EXPH5: variants seen among roughly 807,000 people sequenced by gnomAD.
EXPH5 encodes exophilin 5, also known as exophilin-5.
Under a neutral mutation model 41.1 loss-of-function variants are expected in EXPH5, and 42 were observed. That is an observed-to-expected ratio of 1.02 (90% CI 0.80 to 1.32). The LOEUF is 1.32. Ranked by LOEUF, EXPH5 falls within the 40% of genes most tolerant of loss-of-function variation. EXPH5 has a pLI of 0.00. For missense variants in EXPH5, 2,298 were observed against 2,314.5 expected, an observed-to-expected ratio of 0.99 and a Z score of 0.15; for synonymous variants, 798 against 833.5, an observed-to-expected ratio of 0.96 and a Z score of 0.73.
upstream of EXPH5, among the ~76,000 whole-genome samples, chr11:108,595,274 A>G (rs1237618001): frequency 6.6e-6 from 1 of 152,270 alleles, no homozygotes; most frequent in Non-Finnish European, 1.5e-5. Context: ...TATGTAAAAA[A>G]GAACATAATA....
At chr11:108,530,380 G>C (rs1306225011) in intron 3 of EXPH5, among the ~76,000 whole-genome samples, 1 of 152,156 alleles carries the variant, frequency 6.6e-6, no homozygotes. Context: ...GTCAAGACTT[G>C]ATAAGGACGA....
At chr11:108,576,289 C>T (rs1236262212) in intron 1 of EXPH5, among the ~76,000 whole-genome samples, 1 of 152,044 alleles carries the variant, frequency 6.6e-6, no homozygotes, top group East Asian at 1.9e-4. Flanking sequence ...GTGGATGAAC[C>T]TCAAAAACAT....
chr11:108,514,973 TATA>T (rs1038122348), intron 5 of EXPH5, 98 bp from the exon 6 acceptor site: 4 of 647,278 alleles, frequency 6.2e-6, no homozygotes, highest in Non-Finnish European at 9.2e-6. Flanking sequence ...CATAATCATT[TATA>T]ATTTTATTTT....
At chr11:108,599,634 ATAGTATTC>A in the EXPH5 span, among the ~76,000 whole-genome samples, 1 of 152,226 alleles carries the variant, frequency 6.6e-6, no homozygotes, top group East Asian at 1.9e-4. Flanking sequence ...CTGGCATTTT[ATAGTATTC>A]ACTCTTTGAA....
chr11:108,603,224 A>G, the EXPH5 span, among the ~76,000 whole-genome samples: 1 of 152,222 alleles, frequency 6.6e-6, no homozygotes, highest in African/African-American at 2.4e-5. Context: ...GCAGTGTGAG[A>G]ACAGACTAAT....
At chr11:108,588,620 AC>A (rs539001344) in intron 1 of EXPH5, among the ~76,000 whole-genome samples, 240 of 152,334 alleles carry the variant, frequency 1.6e-3, no homozygotes, top group Middle Eastern at 3.4e-3. Context: ...GAGATAGTGC[AC>A]ACAAAGAGCT....
At chr11:108,600,459 T>G in the EXPH5 span, among the ~76,000 whole-genome samples, 1 of 152,332 alleles carries the variant, frequency 6.6e-6, no homozygotes, top group South Asian at 2.1e-4. Context: ...AAATGTTAAC[T>G]GTTTAATGTG....
In EXPH5 at chr11:108,510,262, G is replaced by C; in HGVS notation, c.5245C>G (p.Gln1749Glu). Residue 1749 changes from glutamine (Q) to glutamate (E), a missense_variant, in exon 6 of 6, where the codon CAG (glutamine) becomes GAG (glutamate). Transcript: ENST00000265843. ...GGAAAAGGAGGGCTCAGCCTCCTCT[G>C]ATTGTCAGAGAATTCTGCTTCCCTG... ...SLREAEFSDNQRRLSPPFPLE... is the reference protein window; with the variant it reads ...SLREAEFSDNERRLSPPFPLE... 1 of 1,613,912 alleles carries C rather than the reference G, an allele frequency of 6.2e-7. No homozygotes were observed. The highest frequency in any genetic ancestry group is 8.5e-7 in the Non-Finnish European group (1 of 1,179,972).
intron 3 of EXPH5, among the ~76,000 whole-genome samples, chr11:108,532,916 G>A (rs2093853020): frequency 6.6e-6 from 1 of 152,176 alleles, no homozygotes; most frequent in South Asian, 2.1e-4. Flanking sequence ...CCCCATCTTA[G>A]CATTGTTCTT....
chr11:108,542,105 C>T (rs1591716586), intron 1 of EXPH5, among the ~76,000 whole-genome samples: 1 of 152,102 alleles, frequency 6.6e-6, no homozygotes, highest in East Asian at 1.9e-4. Flanking sequence ...GTCTCGAACT[C>T]CTGAGCTCAA....
At chr11:108,570,401 C>T (rs1301087474) in intron 1 of EXPH5, among the ~76,000 whole-genome samples, 5 of 152,070 alleles carry the variant, frequency 3.3e-5, no homozygotes, top group African/African-American at 9.7e-5. Flanking sequence ...ATCACAGGCA[C>T]ATGCCACCAT....
At chr11:108,589,541 G>A (rs2094122440) in intron 1 of EXPH5, among the ~76,000 whole-genome samples, 1 of 152,128 alleles carries the variant, frequency 6.6e-6, no homozygotes, top group Admixed American at 6.5e-5. Context: ...AGCAAAAAAT[G>A]GTCTAAATCT....
At position 108,509,707 on chromosome 11, in the gene EXPH5, C is replaced by T; in HGVS notation, c.5800G>A (p.Glu1934Lys). 1 of 1,612,474 alleles carries T rather than the reference C, an allele frequency of 6.2e-7. No individual in the cohort carries two copies. Among genetic ancestry groups the T allele is most frequent in the Non-Finnish European group, 8.5e-7 (1 of 1,179,486 alleles). The change falls in exon 6 of 6, where the codon GAG (glutamate) becomes AAG (lysine). Residue 1934 changes from glutamate to lysine, a missense_variant. Glu to Lys is a moderately conservative substitution (Grantham distance 56). Coordinates refer to ENST00000265843, the MANE Select transcript of EXPH5 (RefSeq NM_015065.3). ...DDLRNPPNPS[E>K]SLSSNSPSSQ... ...CTGGGAGAATTTGAGCTTAATGACT[C>T]TGAGGGGTTGGGAGGGTTCCTCAAA...
intron 1 of EXPH5, among the ~76,000 whole-genome samples, chr11:108,563,168 C>G (rs1296578690): frequency 6.6e-6 from 1 of 152,180 alleles, no homozygotes; most frequent in Non-Finnish European, 1.5e-5. Context: ...ACTGGAAGAG[C>G]TTAATTTTGT....
intron 4 of EXPH5, among the ~76,000 whole-genome samples, chr11:108,527,913 TG>T (rs2093810551): frequency 6.6e-6 from 1 of 152,074 alleles, no homozygotes; most frequent in African/African-American, 2.4e-5. Context: ...ATGGCATAAG[TG>T]GAAACATGAT....
At chr11:108,536,935 G>A (rs929481621) in intron 3 of EXPH5, among the ~76,000 whole-genome samples, 5 of 152,134 alleles carry the variant, frequency 3.3e-5, no homozygotes, top group African/African-American at 9.7e-5. Context: ...AGCCCTTGAC[G>A]GCTTCAGCAA....
At chr11:108,571,108 G>A (rs528662295) in intron 1 of EXPH5, among the ~76,000 whole-genome samples, 10 of 152,304 alleles carry the variant, frequency 6.6e-5, no homozygotes, top group Admixed American at 2.0e-4. Flanking sequence ...GGAATACAAA[G>A]AGCTGGGTAG....
At chr11:108,573,302 T>A (rs1477913991) in intron 1 of EXPH5, among the ~76,000 whole-genome samples, 1 of 152,126 alleles carries the variant, frequency 6.6e-6, no homozygotes, top group Non-Finnish European at 1.5e-5. Flanking sequence ...GGGTACTGAT[T>A]TGACCAGCAA....
intron 1 of EXPH5, among the ~76,000 whole-genome samples, chr11:108,563,156 C>A (rs75469165): frequency 1.3e-5 from 2 of 152,134 alleles, no homozygotes. Context: ...TTAACTGGTA[C>A]GACTGGAAGA....
Sources: allele counts gnomAD v4.1 joint callset (sites outside exome capture counted in the v4.1 genomes callset), GRCh38; gene constraint gnomAD v4.1.1; transcripts MANE v1.5; gene names NCBI Gene and HGNC (gene_info 2026-07-23, HGNC 2026-07-21).